Variants in CMTR1 observed in about 807,000 individuals in gnomAD.
CMTR1 encodes cap methyltransferase 1.
CMTR1 carries 39 observed loss-of-function variants against 107.0 expected under a neutral mutation model. The observed-to-expected ratio is 0.36, with a 90% CI of 0.28 to 0.48. The LOEUF (loss-of-function observed/expected upper bound fraction) is 0.48. Among genes scored for constraint, CMTR1 ranks in the 20% least tolerant of loss-of-function variants. CMTR1 has a pLI of 0.99. For missense variants in CMTR1, 672 were observed against 1,064.9 expected, an observed-to-expected ratio of 0.63 and a Z score of 5.14; for synonymous variants, 366 against 379.5, an observed-to-expected ratio of 0.96 and a Z score of 0.41.
At position 37,444,008 on chromosome 6, in the gene CMTR1, C is replaced by T. The variant is rs375243314; in HGVS notation, c.143C>T (p.Thr48Ile). 13 of 1,613,676 alleles carry T rather than the reference C, an allele frequency of 8.1e-6. No individual in the cohort carries two copies. Among genetic ancestry groups the T allele is most frequent in the Non-Finnish European group, 1.0e-5 (12 of 1,179,962 alleles). The change falls in exon 3 of 24, where the codon ACA becomes ATA. Residue 48 changes from threonine to isoleucine, a missense_variant. This residue lies in a region of CMTR1 where 89 missense variants were observed against 96.6 expected (regional missense o/e 0.92). Transcript: ENST00000373451. ...CCTTTTTCTTTTTCAGCATCTACTA[C>T]AAGCCTTAGTGGGTCTGATAGTGAG... ...SVSHGAKASTTSLSGSDSETE... is the reference protein window; with the variant it reads ...SVSHGAKASTISLSGSDSETE...
chr6:37,476,507 C>CATTTT (rs1445749029), intron 20 of CMTR1, among the ~76,000 whole-genome samples: 3 of 152,208 alleles, frequency 2.0e-5, no homozygotes, highest in African/African-American at 7.2e-5. Context: ...AGCACATTAC[C>CATTTT]TGGCCTTTTA....
upstream of CMTR1, among the ~76,000 whole-genome samples, chr6:37,429,399 G>A (rs1771335313): frequency 6.6e-6 from 1 of 152,112 alleles, no homozygotes; most frequent in African/African-American, 2.4e-5. Flanking sequence ...TTTAAGTGTT[G>A]TTGAAAGAAA....
intron 8 of CMTR1, among the ~76,000 whole-genome samples, chr6:37,454,312 C>A (rs1562121214): frequency 6.6e-6 from 1 of 152,222 alleles, no homozygotes; most frequent in Non-Finnish European, 1.5e-5. Context: ...CTAACTGCTT[C>A]CTCCTTGCTG....
intron 20 of CMTR1, 113 bp from the exon 21 acceptor site, chr6:37,477,479 G>A: frequency 3.2e-6 from 3 of 925,304 alleles, no homozygotes; most frequent in Non-Finnish European, 1.8e-6. Context: ...TGGTTTCAGG[G>A]AGGGCCTGGG....
rs1053651950 is a variant in CMTR1, at chr6:37,480,615, C to T, written c.*470C>T. The stretch of plus-strand genomic sequence containing the variant: ...TGGAGACCTGCTGTCATGAGCTGGC[C>T]AGGAGAACCTGCTATAAAAAAATCA... On this transcript the variant is annotated 3_prime_UTR_variant, in exon 24 of 24. Coordinates refer to ENST00000373451, the MANE Select transcript of CMTR1 (RefSeq NM_015050.3). The T allele has an allele frequency of 1.9e-6, 2 of 1,029,894 alleles. No homozygotes were observed. The highest frequency in any genetic ancestry group is 2.3e-6 in the Non-Finnish European group (2 of 859,214). The allele number at this position is 1,029,894 out of a possible 1,614,324, so 63.8% of individuals were successfully genotyped here. A position where few individuals can be genotyped will look rare whatever the true frequency, so the allele number is the denominator to read the frequency against.
intron 2 of CMTR1, among the ~76,000 whole-genome samples, chr6:37,438,301 G>A (rs1352166072): frequency 2.0e-5 from 3 of 152,000 alleles, no homozygotes; most frequent in Non-Finnish European, 4.4e-5. Flanking sequence ...GATCACTTGA[G>A]CCTAGGAGGT....
chr6:37,480,145 A>C lies in CMTR1; in HGVS notation c.2508A>C (p.Ter836TyrextTer31). The part of the protein sequence containing the change: ...VLSFIQMHRA[*>Y] ...CCTTCATCCAGATGCACAGGGCCTA[A>C]GAGCCTCAGAATGTGCCACCCCTGC... Residue 836 changes from the stop codon to tyrosine, a stop_lost, in exon 24 of 24, where the codon TAA (stop) becomes TAC (tyrosine). Coordinates refer to ENST00000373451, the MANE Select transcript of CMTR1 (RefSeq NM_015050.3). The C allele has an allele frequency of 6.3e-7, 1 of 1,598,068 alleles. No individual in the cohort carries two copies. Among genetic ancestry groups the C allele is most frequent in the Non-Finnish European group, 8.5e-7 (1 of 1,172,748 alleles).
Position 37,433,844 on chromosome 6 carries a change from C to T in CMTR1, c.-7+467C>T, listed in dbSNP as rs1771455967. ...GCACTGGTTAGCTGTGTGGCCTTCA[C>T]CTCTGTGGCCGCAGTCTTTTCCCGT... On this transcript the variant is annotated intron_variant, in intron 1 of 23. Coordinates refer to ENST00000373451, the MANE Select transcript of CMTR1 (RefSeq NM_015050.3). Among the ~76,000 whole-genome samples the T allele has an allele frequency of 2.6e-5, 4 of 152,192 alleles. No individual in the cohort carries two copies. The South Asian group carries it at 8.3e-4, about 32-fold the overall frequency.
intron 13 of CMTR1, among the ~76,000 whole-genome samples, chr6:37,464,912 G>GTT (rs1761474407): frequency 6.6e-6 from 1 of 151,746 alleles, no homozygotes; most frequent in African/African-American, 2.4e-5. Flanking sequence ...GTGTGTGTGT[G>GTT]TGTGTGTGTG....
chr6:37,458,355 C>T lies in CMTR1; in HGVS notation c.778-257C>T, dbSNP rs767923213. ...CAGGCTTGAGCCACCGCGCCTGGCT[C>T]CATGAAGATGTTTTTATGAGGAGTC... On this transcript the variant is annotated intron_variant, in intron 8 of 23. Coordinates refer to ENST00000373451, the MANE Select transcript of CMTR1 (RefSeq NM_015050.3). This position sits in a 1 kb window ranked among gnomAD's most constrained non-coding sequence, Gnocchi z 4.7. 2.6e-5 allele frequency among the ~76,000 whole-genome samples: 4 copies of T among 151,944 alleles called. No homozygotes were observed. The highest frequency in any genetic ancestry group is 4.4e-5 in the Non-Finnish European group (3 of 67,972).
chr6:37,477,789 G>A, intron 21 of CMTR1, 150 bp downstream of exon 21: 1 of 717,874 alleles, frequency 1.4e-6, no homozygotes, highest in East Asian at 2.6e-5. Flanking sequence ...CCTCGCTGCA[G>A]CACTGCTTGC....
chr6:37,471,769 A>G lies in CMTR1; in HGVS notation c.1563-78A>G, dbSNP rs562204416. Reference sequence around the variant, plus strand: ...GTTCATTCATTCAGGCCTCCTCTCTATGGGATATGAGGGGTGCACAGGGGG... The same window carrying G: ...GTTCATTCATTCAGGCCTCCTCTCTGTGGGATATGAGGGGTGCACAGGGGG... On this transcript the variant is annotated intron_variant, in intron 14 of 23. Coordinates refer to ENST00000373451, the MANE Select transcript of CMTR1 (RefSeq NM_015050.3). 151 of 1,295,430 alleles carry G rather than the reference A, an allele frequency of 1.2e-4. No homozygotes were observed. In the South Asian group the frequency reaches 1.7e-3, roughly 15 times the overall value. The allele number at this position is 1,295,430 out of a possible 1,614,324, so 80.2% of individuals were successfully genotyped here.
chr6:37,432,190 C>T (rs1771396980), upstream of CMTR1, among the ~76,000 whole-genome samples: 2 of 152,066 alleles, frequency 1.3e-5, no homozygotes, highest in South Asian at 2.1e-4. Flanking sequence ...ACAAGGCATA[C>T]CTGAAGAAGG....
chr6:37,435,367 C>G (rs559274700), intron 1 of CMTR1, among the ~76,000 whole-genome samples: 3 of 152,206 alleles, frequency 2.0e-5, no homozygotes, highest in Non-Finnish European at 4.4e-5. Flanking sequence ...TTTCTGTTAT[C>G]TGACACCAGT....
intron 6 of CMTR1, among the ~76,000 whole-genome samples, chr6:37,452,175 T>G (rs969129231): frequency 7.2e-5 from 11 of 152,246 alleles, no homozygotes; most frequent in African/African-American, 2.2e-4. Context: ...GAGTCATTCC[T>G]TAGCATCAGA....
intron 1 of CMTR1, among the ~76,000 whole-genome samples, chr6:37,435,049 G>C (rs1771496795): frequency 6.6e-6 from 1 of 152,104 alleles, no homozygotes; most frequent in Non-Finnish European, 1.5e-5. Context: ...TCATTTCACT[G>C]CTTCCATTCC....
chr6:37,471,742 A>G (rs896933391), intron 14 of CMTR1, 105 bp from the exon 15 acceptor site: 28 of 925,532 alleles, frequency 3.0e-5, no homozygotes, highest in Non-Finnish European at 4.3e-5. Context: ...GTACACTCAC[A>G]TGTTCATTCA....
chr6:37,472,708 A>G lies in CMTR1; in HGVS notation c.1689+221A>G, dbSNP rs1376894724. On this transcript the variant is annotated intron_variant, in intron 16 of 23. Coordinates refer to ENST00000373451, the MANE Select transcript of CMTR1 (RefSeq NM_015050.3). This position sits in a 1 kb window ranked among gnomAD's most constrained non-coding sequence, Gnocchi z 4.1. ...AGGCCAACGGAAGATTCTCATGTTC[A>G]GTGCTTGGGCTCAGCATTCCTGCCA... Among the ~76,000 whole-genome samples, 1 of 152,230 alleles carries G rather than the reference A, an allele frequency of 6.6e-6. No individual in the cohort carries two copies. The highest frequency in any genetic ancestry group is 2.4e-5 in the African/African-American group (1 of 41,460).
At chr6:37,457,729 G>A (rs1761324701) in intron 8 of CMTR1, among the ~76,000 whole-genome samples, 1 of 152,158 alleles carries the variant, frequency 6.6e-6, no homozygotes, top group Admixed American at 6.5e-5. Context: ...AAAGGTGGTT[G>A]GGAGAGCCAA....
Sources: gnomAD v4.1 joint callset for allele counts (sites outside exome capture counted in the v4.1 genomes callset) on GRCh38, gnomAD v4.1.1 for gene constraint, gnomAD v4.1.1 regional missense constraint, Gnocchi (gnomAD v3.1) non-coding constraint, MANE v1.5 for transcripts, NCBI Gene and HGNC (gene_info 2026-07-23, HGNC 2026-07-21) for gene names.